ELL2: variants seen among roughly 807,000 people sequenced by gnomAD.
ELL2 encodes the protein RNA polymerase II elongation factor ELL2.
In ELL2, 21 loss-of-function variants were observed where a neutral mutation model predicts 72.8. That is an observed-to-expected ratio of 0.29 (90% CI 0.20 to 0.42). ELL2 has a LOEUF of 0.42. ELL2 is among the 10% of genes least tolerant of loss of function. The pLI, the probability that ELL2 is intolerant of heterozygous loss-of-function variation, is 1.00. For synonymous variants in ELL2, 266 were observed against 283.2 expected, an observed-to-expected ratio of 0.94 and a Z score of 0.61; for missense variants, 568 against 772.8, an observed-to-expected ratio of 0.73 and a Z score of 3.14.
rs537703863 is a variant in ELL2, at chr5:95,952,450, CTAAAA to C, written c.147+9120_147+9124del. On this transcript the variant is annotated intron_variant, in intron 1 of 11. Coordinates refer to ENST00000237853, the MANE Select transcript of ELL2 (RefSeq NM_012081.6). ...ACAAATCTGTACACATACCCCGAACCTAAAATAAAAGTTAAAAAAAAAATCTTACT... is the reference window on the plus strand; with the variant it reads ...ACAAATCTGTACACATACCCCGAACCTAAAAGTTAAAAAAAAAATCTTACT... Among the ~76,000 whole-genome samples, 178 of 152,094 alleles carry C rather than the reference CTAAAA, an allele frequency of 1.2e-3. 1 individual carries two copies. The highest frequency in any genetic ancestry group is 4.1e-3 in the African/African-American group (170 of 41,472).
intron 1 of ELL2, among the ~76,000 whole-genome samples, chr5:95,960,756 AG>A (rs1751806596): frequency 6.6e-6 from 1 of 152,020 alleles, no homozygotes; most frequent in African/African-American, 2.4e-5. Flanking sequence ...AGTGTGCGTG[AG>A]TCCTCAGGTC....
chr5:95,946,486 C>T (rs1751163347), intron 1 of ELL2, among the ~76,000 whole-genome samples: 1 of 152,162 alleles, frequency 6.6e-6, no homozygotes, highest in South Asian at 2.1e-4. Context: ...GGCTTTTTCC[C>T]TTCCTTGAAG....
intron 2 of ELL2, among the ~76,000 whole-genome samples, chr5:95,934,779 G>C (rs1043744621): frequency 1.3e-5 from 2 of 152,086 alleles, no homozygotes; most frequent in African/African-American, 4.8e-5. Context: ...TCTCCTTAGA[G>C]TCTTGTCATA....
chr5:95,947,383 C>T (rs144831943), intron 1 of ELL2, among the ~76,000 whole-genome samples: 18 of 152,276 alleles, frequency 1.2e-4, no homozygotes, highest in East Asian at 1.9e-4. Context: ...TTTTACCTCA[C>T]GCCCTGAATT....
At chr5:95,946,826 G>GAGAC (rs1386646930) in intron 1 of ELL2, among the ~76,000 whole-genome samples, 2 of 152,142 alleles carry the variant, frequency 1.3e-5, no homozygotes, top group East Asian at 3.9e-4. Context: ...TTTCCTCAGT[G>GAGAC]AGACCTTCCT....
intron 1 of ELL2, among the ~76,000 whole-genome samples, chr5:95,950,919 T>TATGTATGTATGTAC (rs1561515370): frequency 1.0e-5 from 1 of 97,784 alleles, no homozygotes; most frequent in African/African-American, 5.8e-5. Context: ...TATATATATA[T>TATGTATGTATGTAC]ATATATATAT....
At chr5:95,898,199 CATGA>C in intron 8 of ELL2, 37 bp downstream of exon 8, 2 of 1,471,972 alleles carry the variant, frequency 1.4e-6, no homozygotes, top group Non-Finnish European at 1.8e-6. Flanking sequence ...ATTTCAAACT[CATGA>C]TAGCATGCAC....
chr5:95,907,638 G>A (rs532164299), intron 4 of ELL2, among the ~76,000 whole-genome samples: 26 of 152,228 alleles, frequency 1.7e-4, no homozygotes, highest in African/African-American at 6.0e-4. Context: ...CCCAGCAACC[G>A]TTCCTTGCTG....
intron 2 of ELL2, among the ~76,000 whole-genome samples, chr5:95,937,363 A>T (rs986304283): frequency 6.6e-6 from 1 of 152,142 alleles, no homozygotes; most frequent in Non-Finnish European, 1.5e-5. Flanking sequence ...GTCAATTTAC[A>T]ATAGTTTCAA....
At chr5:95,907,464 C>T (rs1402198441) in intron 4 of ELL2, among the ~76,000 whole-genome samples, 1 of 151,902 alleles carries the variant, frequency 6.6e-6, no homozygotes, top group African/African-American at 2.4e-5. Flanking sequence ...GCCTTCACAC[C>T]ATTCTCACAT....
intron 2 of ELL2, among the ~76,000 whole-genome samples, chr5:95,942,368 ATTTT>A (rs1044059807): frequency 3.3e-5 from 5 of 152,268 alleles, no homozygotes; most frequent in African/African-American, 7.2e-5. Flanking sequence ...TCTACTATTT[ATTTT>A]ATTACTATGA....
intron 1 of ELL2, among the ~76,000 whole-genome samples, chr5:95,952,907 G>C (rs1387868339): frequency 1.3e-5 from 2 of 152,176 alleles, no homozygotes; most frequent in Non-Finnish European, 2.9e-5. Context: ...AGTAGGCAAA[G>C]GAGAATGAGA....
chr5:95,891,228 C>G lies in ELL2; in HGVS notation c.1636G>C (p.Asp546His). Residue 546 changes from aspartate to histidine, a missense_variant, in exon 10 of 12, where the codon GAT becomes CAT. Transcript: ENST00000237853. ...TCATCATACTCTGCATTGAAGTCAT[C>G]CTTATAATTCTGGCGTTGCTCATAG... is the stretch of plus-strand genomic sequence containing the variant. ...VSYEQRQNYK[D>H]DFNAEYDEYR... 1 of 1,613,966 alleles carries G rather than the reference C, an allele frequency of 6.2e-7. No homozygotes were observed. Among genetic ancestry groups the G allele is most frequent in the Non-Finnish European group, 8.5e-7 (1 of 1,179,978 alleles).
intron 1 of ELL2, among the ~76,000 whole-genome samples, chr5:95,944,989 C>T (rs914485770): frequency 1.3e-5 from 2 of 152,144 alleles, no homozygotes; most frequent in South Asian, 2.1e-4. Context: ...CCTTTCATTT[C>T]GAAAGGCTAG....
intron 4 of ELL2, among the ~76,000 whole-genome samples, chr5:95,911,126 G>A (rs1217865494): frequency 2.6e-5 from 4 of 152,142 alleles, no homozygotes; most frequent in Non-Finnish European, 4.4e-5. Flanking sequence ...GGATGAATCA[G>A]ACAGTTTTGA....
chr5:95,928,171 T>C (rs1045128912), intron 2 of ELL2, among the ~76,000 whole-genome samples: 1 of 152,180 alleles, frequency 6.6e-6, no homozygotes, highest in African/African-American at 2.4e-5. Flanking sequence ...ATATACAGAC[T>C]ATGGAGCATG....
At chr5:95,895,827 G>T in intron 8 of ELL2, 136 bp from the exon 9 acceptor site, 1 of 738,408 alleles carries the variant, frequency 1.4e-6, no homozygotes, top group Non-Finnish European at 2.3e-6. Flanking sequence ...AAGCAACAGT[G>T]AGCAAGGAAT....
intron 2 of ELL2, among the ~76,000 whole-genome samples, chr5:95,924,521 T>C (rs918773906): frequency 1.3e-5 from 2 of 152,210 alleles, no homozygotes; most frequent in Non-Finnish European, 2.9e-5. Context: ...GGACTCACAA[T>C]CTTGAATTTT....
At chr5:95,956,459 A>T (rs1448678003) in intron 1 of ELL2, among the ~76,000 whole-genome samples, 1 of 152,242 alleles carries the variant, frequency 6.6e-6, no homozygotes, top group Non-Finnish European at 1.5e-5. Context: ...AGAATCTGCT[A>T]AAGCAAACCT....
Sources: allele counts gnomAD v4.1 joint callset (sites outside exome capture counted in the v4.1 genomes callset), GRCh38; gene constraint gnomAD v4.1.1; transcripts MANE v1.5; gene names NCBI Gene and HGNC (gene_info 2026-07-23, HGNC 2026-07-21).